The following ALK variants were observed in gnomAD, a reference collection of about 807,000 sequenced individuals.
ALK encodes ALK receptor tyrosine kinase.
A neutral mutation model predicts 163.1 loss-of-function variants in ALK; 74 were observed. The observed-to-expected ratio is 0.45, with a 90% CI of 0.38 to 0.55. The LOEUF (loss-of-function observed/expected upper bound fraction) is 0.55. Ranked by LOEUF, ALK falls within the 20% of genes least tolerant of loss-of-function variation. ALK has a pLI of 0.00. For missense variants in ALK, 2,063 were observed against 2,105.3 expected (o/e 0.98, Z 0.39); for synonymous variants, 960 against 843.2 (o/e 1.14, Z -2.40).
intron 1 of ALK, among the ~76,000 whole-genome samples, chr2:29,839,580 T>TTGTTCATG (rs979635984): frequency 2.0e-5 from 3 of 152,188 alleles, no homozygotes; most frequent in African/African-American, 7.2e-5. Context: ...CACAAGCTTT[T>TTGTTCATG]TGTTCATGAC....
Position 29,320,938 on chromosome 2 carries a change from G to C in ALK, c.1415-56C>G, listed in dbSNP as rs1184487136. 14 of 1,611,522 alleles carry C rather than the reference G, an allele frequency of 8.7e-6. No homozygotes were observed. In the South Asian group the frequency reaches 1.5e-4, roughly 18 times the overall value. ...TTCAGGACCACTAAAGGCAAAATATGCCAATGCCAAGTCGAATTAGCCAGG... is the reference window on the plus strand; with the variant it reads ...TTCAGGACCACTAAAGGCAAAATATCCCAATGCCAAGTCGAATTAGCCAGG... On this transcript the variant is annotated intron_variant, in intron 6 of 28. Transcript: ENST00000389048.
chr2:29,448,331 G>A (rs1158129174), intron 4 of ALK, among the ~76,000 whole-genome samples: 2 of 152,144 alleles, frequency 1.3e-5, no homozygotes, highest in Non-Finnish European at 2.9e-5. Context: ...GGCTTCGTTT[G>A]GCCAGTAATG....
chr2:29,832,919 C>A (rs1470200421), intron 1 of ALK, among the ~76,000 whole-genome samples: 1 of 152,208 alleles, frequency 6.6e-6, no homozygotes, highest in East Asian at 1.9e-4. Flanking sequence ...GAGAAGGCGG[C>A]AGTTGAGCTG....
Position 29,479,377 on chromosome 2 carries a change from G to A in ALK, c.1154+52538C>T, listed in dbSNP as rs766033587. On this transcript the variant is annotated intron_variant, in intron 4 of 28. Coordinates refer to ENST00000389048, the MANE Select transcript of ALK (RefSeq NM_004304.5). ...TAGCTAACAAGCAGGCCCAGAGGACGCTTGAACACACAGGCCTGAAACTCA... is the reference window on the plus strand; with the variant it reads ...TAGCTAACAAGCAGGCCCAGAGGACACTTGAACACACAGGCCTGAAACTCA... 8.4e-4 allele frequency among the ~76,000 whole-genome samples: 128 copies of A among 152,194 alleles called. 1 individual carries two copies. Among genetic ancestry groups the A allele is most frequent in the Admixed American group, 2.0e-4 (3 of 15,290 alleles).
intron 3 of ALK, among the ~76,000 whole-genome samples, chr2:29,541,536 C>T (rs747829974): frequency 4.6e-5 from 7 of 152,202 alleles, no homozygotes; most frequent in Non-Finnish European, 1.0e-4. Context: ...AGTGATCCAC[C>T]TGCCTTAGCT....
chr2:29,615,007 CAG>C (rs1350103196), intron 3 of ALK, among the ~76,000 whole-genome samples: 1 of 152,128 alleles, frequency 6.6e-6, no homozygotes, highest in East Asian at 1.9e-4. Flanking sequence ...TTTTAAGAGA[CAG>C]AGTCTTGCTA....
chr2:29,786,705 A>G (rs1014425908), intron 1 of ALK, among the ~76,000 whole-genome samples: 6 of 152,228 alleles, frequency 3.9e-5, no homozygotes, highest in Non-Finnish European at 7.3e-5. Context: ...GCTAATGAAA[A>G]GTTCCCTTGT....
intron 3 of ALK, among the ~76,000 whole-genome samples, chr2:29,599,036 T>G (rs936274645): frequency 8.5e-5 from 13 of 152,290 alleles, no homozygotes; most frequent in African/African-American, 3.1e-4. Flanking sequence ...TCCAGGCACT[T>G]AAGCTATGTG....
At chr2:29,618,301 A>G (rs1181073277) in intron 3 of ALK, among the ~76,000 whole-genome samples, 1 of 152,222 alleles carries the variant, frequency 6.6e-6, no homozygotes, top group African/African-American at 2.4e-5. Context: ...TCCTGAAACA[A>G]CTGACCTCTG....
chr2:29,659,757 G>T (rs1347114466), intron 3 of ALK, among the ~76,000 whole-genome samples: 3 of 152,090 alleles, frequency 2.0e-5, no homozygotes, highest in Admixed American at 6.5e-5. Context: ...GTCTTGTATT[G>T]TTATAACATA....
At chr2:29,753,623 GT>G (rs1362324053) in intron 1 of ALK, among the ~76,000 whole-genome samples, 4 of 152,144 alleles carry the variant, frequency 2.6e-5, no homozygotes, top group Non-Finnish European at 5.9e-5. Context: ...AATCAATTGT[GT>G]TCTTTCATGT....
intron 4 of ALK, among the ~76,000 whole-genome samples, chr2:29,425,985 A>G (rs1318451206): frequency 6.6e-6 from 1 of 152,196 alleles, no homozygotes; most frequent in East Asian, 1.9e-4. Context: ...GGCCTCAAAA[A>G]TTATGTCTGT....
chr2:29,640,641 T>C (rs1415738680), intron 3 of ALK, among the ~76,000 whole-genome samples: 2 of 152,206 alleles, frequency 1.3e-5, no homozygotes, highest in Non-Finnish European at 2.9e-5. Context: ...GTCTTAGGTA[T>C]TTCTTTAGAA....
At chr2:29,218,791 T>TGACA (rs1317818422) in intron 23 of ALK, among the ~76,000 whole-genome samples, 1 of 152,262 alleles carries the variant, frequency 6.6e-6, no homozygotes, top group Non-Finnish European at 1.5e-5. Context: ...TGTCCCCCAC[T>TGACA]GACAGCAGTG....
intron 1 of ALK, among the ~76,000 whole-genome samples, chr2:29,893,867 A>G (rs901521621): frequency 5.9e-5 from 9 of 152,186 alleles, no homozygotes; most frequent in Non-Finnish European, 7.3e-5. Context: ...ATTTACAAGC[A>G]GAATGACCTT....
chr2:29,503,071 G>A (rs72794467), intron 4 of ALK, among the ~76,000 whole-genome samples: 4 of 152,166 alleles, frequency 2.6e-5, no homozygotes, highest in South Asian at 2.1e-4. Context: ...TGATGTCTTC[G>A]CAGTTGTAAC....
chr2:29,382,165 C>T (rs1214311625), intron 5 of ALK, among the ~76,000 whole-genome samples: 1 of 152,198 alleles, frequency 6.6e-6, no homozygotes, highest in African/African-American at 2.4e-5. Flanking sequence ...CAGAGGAAGA[C>T]TCATCTTCTC....
At chr2:29,324,883 T>G (rs531185361) in intron 6 of ALK, among the ~76,000 whole-genome samples, 7 of 152,164 alleles carry the variant, frequency 4.6e-5, no homozygotes, top group East Asian at 1.9e-4. Flanking sequence ...AGTGGACATA[T>G]GAGGATCATG....
chr2:29,540,467 C>CCAAA (rs1673383297), intron 3 of ALK, among the ~76,000 whole-genome samples: 1 of 151,894 alleles, frequency 6.6e-6, no homozygotes, highest in Non-Finnish European at 1.5e-5. Flanking sequence ...TCTTGCTATG[C>CCAAA]TTTATATGAA....
Sources: gnomAD v4.1 joint callset for allele counts (sites outside exome capture counted in the v4.1 genomes callset) on GRCh38, gnomAD v4.1.1 for gene constraint, MANE v1.5 for transcripts, NCBI Gene and HGNC (gene_info 2026-07-23, HGNC 2026-07-21) for gene names.